The following NRXN3 variants were observed in gnomAD, a reference collection of about 807,000 sequenced individuals.
NRXN3 encodes the protein neurexin 3.
NRXN3 carries 32 observed loss-of-function variants against 137.6 expected under a neutral mutation model. That is an observed-to-expected ratio of 0.23 (90% CI 0.18 to 0.31). The LOEUF (loss-of-function observed/expected upper bound fraction) is 0.31. Ranked by LOEUF, NRXN3 falls within the 10% of genes least tolerant of loss-of-function variation. The pLI, the probability that NRXN3 is intolerant of heterozygous loss-of-function variation, is 1.00. For missense variants in NRXN3, 1,574 were observed against 2,062.5 expected (o/e 0.76, Z 4.59); for synonymous variants, 798 against 784.5 (o/e 1.02, Z -0.29).
chr14:79,636,749 A>G (rs1278004005), intron 16 of NRXN3, among the ~76,000 whole-genome samples: 5 of 152,190 alleles, frequency 3.3e-5, no homozygotes, highest in Non-Finnish European at 5.9e-5. Flanking sequence ...TCCTCTGCCC[A>G]TCACTGCAAA....
chr14:78,979,222 C>A (rs114662341), intron 14 of NRXN3, among the ~76,000 whole-genome samples: 1,862 of 152,140 alleles, frequency 0.012, 35 homozygotes, highest in African/African-American at 0.043. Context: ...TATATAATGA[C>A]CAGGTATCTG....
intron 1 of NRXN3, among the ~76,000 whole-genome samples, chr14:78,229,550 CA>C (rs796783835): frequency 1.5e-4 from 23 of 152,186 alleles, no homozygotes; most frequent in African/African-American, 5.1e-4. Context: ...ATTCTACTGC[CA>C]GGGGTGAAGT....
intron 19 of NRXN3, among the ~76,000 whole-genome samples, chr14:79,757,725 A>G (rs1395516682): frequency 6.6e-6 from 1 of 152,138 alleles, no homozygotes; most frequent in Non-Finnish European, 1.5e-5. Context: ...ATGACCTTGG[A>G]CATGACCTTT....
intron 18 of NRXN3, among the ~76,000 whole-genome samples, chr14:79,694,928 A>C (rs1377547702): frequency 6.6e-6 from 1 of 151,836 alleles, no homozygotes; most frequent in Non-Finnish European, 1.5e-5. Flanking sequence ...AAAAGCAAAC[A>C]CTCCCTATGG....
intron 15 of NRXN3, among the ~76,000 whole-genome samples, chr14:79,390,594 A>G (rs1329005198): frequency 6.6e-6 from 1 of 152,176 alleles, no homozygotes; most frequent in Non-Finnish European, 1.5e-5. Flanking sequence ...CCAGCCTTAT[A>G]AGAAACTGTC....
chr14:78,826,932 A>G lies in NRXN3; in HGVS notation c.2275+16588A>G, dbSNP rs565965856. Reference sequence around the variant, plus strand: ...ATACATGCTTTATTTCTGAATGTCAACGTTTAAGAGACTGAAGTCTGTGAC... The same window carrying G: ...ATACATGCTTTATTTCTGAATGTCAGCGTTTAAGAGACTGAAGTCTGTGAC... On this transcript the variant is annotated intron_variant, in intron 10 of 20. Coordinates refer to ENST00000335750, the MANE Select transcript of NRXN3 (RefSeq NM_001330195.2). Among the ~76,000 whole-genome samples the G allele has an allele frequency of 3.3e-5, 5 of 152,296 alleles. No homozygotes were observed. The South Asian group carries it at 8.3e-4, about 25-fold the overall frequency.
intron 4 of NRXN3, among the ~76,000 whole-genome samples, chr14:78,620,464 CT>C (rs1045013581): frequency 1.4e-4 from 22 of 152,234 alleles, no homozygotes; most frequent in African/African-American, 4.8e-4. Context: ...AAATGAATGC[CT>C]TTTTATCAGA....
At chr14:78,206,645 G>A (rs937603294) in intron 1 of NRXN3, among the ~76,000 whole-genome samples, 2 of 152,138 alleles carry the variant, frequency 1.3e-5, no homozygotes, top group Non-Finnish European at 2.9e-5. Context: ...ACTACCGCCT[G>A]CACTCCTTCC....
intron 4 of NRXN3, among the ~76,000 whole-genome samples, chr14:78,480,791 C>T (rs893625577): frequency 6.6e-6 from 1 of 152,108 alleles, no homozygotes; most frequent in Non-Finnish European, 1.5e-5. Flanking sequence ...AAAAATGGAG[C>T]AGACACATGA....
chr14:79,809,175 T>C (rs1039348226), intron 20 of NRXN3, among the ~76,000 whole-genome samples: 2 of 152,242 alleles, frequency 1.3e-5, no homozygotes, highest in Non-Finnish European at 2.9e-5. Flanking sequence ...CAGCTAAAAT[T>C]AAACCTATTG....
intron 19 of NRXN3, among the ~76,000 whole-genome samples, chr14:79,729,036 C>T (rs2098910353): frequency 6.6e-6 from 1 of 152,242 alleles, no homozygotes; most frequent in African/African-American, 2.4e-5. Context: ...AAATCCTTGT[C>T]ACCTTGACAA....
chr14:78,488,982 C>T (rs990837268), intron 4 of NRXN3, among the ~76,000 whole-genome samples: 7 of 152,092 alleles, frequency 4.6e-5, no homozygotes, highest in African/African-American at 1.2e-4. Context: ...ACGCTTTTCC[C>T]TCTCTTAGGA....
At chr14:79,850,870 A>G (rs1004173923) in intron 20 of NRXN3, among the ~76,000 whole-genome samples, 2 of 152,236 alleles carry the variant, frequency 1.3e-5, no homozygotes, top group Non-Finnish European at 2.9e-5. Flanking sequence ...TATGGTAAAG[A>G]TATACATGCA....
chr14:79,386,947 T>C (rs1220313413), intron 15 of NRXN3, among the ~76,000 whole-genome samples: 1 of 152,120 alleles, frequency 6.6e-6, no homozygotes, highest in Non-Finnish European at 1.5e-5. Context: ...ATACAAAAAT[T>C]AATTCAAGAT....
rs1167518609 is a variant in NRXN3 at position 79,059,301 on chromosome 14, A to G, written c.3262+71160A>G. Among the ~76,000 whole-genome samples the G allele has an allele frequency of 2.4e-5, 3 of 125,348 alleles. No individual in the cohort carries two copies. In the East Asian group the frequency reaches 6.7e-4, roughly 28 times the overall value. The allele number at this position is 125,348 out of a possible 152,430, so 82.2% of individuals were successfully genotyped here. On this transcript the variant is annotated intron_variant, in intron 15 of 20. Transcript: ENST00000335750. ...GAGATGGAGTCTCACTCTGTCGCCCAGGCTGGAGTACAGTGGCACCATCTC... is the reference window on the plus strand; with the variant it reads ...GAGATGGAGTCTCACTCTGTCGCCCGGGCTGGAGTACAGTGGCACCATCTC...
chr14:79,000,931 G>A (rs1198414109), intron 15 of NRXN3, among the ~76,000 whole-genome samples: 1 of 152,096 alleles, frequency 6.6e-6, no homozygotes, highest in Non-Finnish European at 1.5e-5. Flanking sequence ...TATTTAATTT[G>A]CATTTGGATT....
At chr14:79,182,590 G>A (rs1239776901) in intron 15 of NRXN3, among the ~76,000 whole-genome samples, 3 of 152,182 alleles carry the variant, frequency 2.0e-5, no homozygotes, top group African/African-American at 7.2e-5. Context: ...GGGAGCGGCT[G>A]TAAATACAGA....
chr14:78,586,475 G>A (rs2097063747), intron 4 of NRXN3, among the ~76,000 whole-genome samples: 1 of 152,178 alleles, frequency 6.6e-6, no homozygotes, highest in Non-Finnish European at 1.5e-5. Flanking sequence ...AATTAAAGTA[G>A]ATGATGCATG....
chr14:78,300,675 T>C (rs2076787639), intron 4 of NRXN3: 2 of 1,531,150 alleles, frequency 1.3e-6, no homozygotes, highest in African/African-American at 2.7e-5. Context: ...CCTTCATTTC[T>C]GTAGGTAGAA....
Sources: allele counts gnomAD v4.1 joint callset (sites outside exome capture counted in the v4.1 genomes callset), GRCh38; gene constraint gnomAD v4.1.1; transcripts MANE v1.5; gene names NCBI Gene and HGNC (gene_info 2026-07-23, HGNC 2026-07-21).